The following SNTG2 variants were observed in gnomAD, a reference collection of about 807,000 sequenced individuals.
SNTG2 encodes the protein syntrophin gamma 2.
SNTG2 carries 74 observed loss-of-function variants against 70.9 expected under a neutral mutation model. The ratio of observed to expected loss-of-function variants is 1.04; its 90% CI spans 0.86 to 1.27. The LOEUF is 1.27. Ranked by LOEUF, SNTG2 falls within the 50% of genes most tolerant of loss-of-function variation. SNTG2 has a pLI of 0.00. For synonymous variants in SNTG2, 278 were observed against 273.8 expected (o/e 1.02, Z -0.15); for missense variants, 717 against 690.7 (o/e 1.04, Z -0.43).
chr2:1,132,073 A>G (rs533886509), intron 4 of SNTG2, among the ~76,000 whole-genome samples: 2 of 152,330 alleles, frequency 1.3e-5, no homozygotes, highest in African/African-American at 2.4e-5. Flanking sequence ...GGATTTTAAT[A>G]TAGTCTCTGC....
chr2:1,273,128 A>G (rs1474461776), intron 14 of SNTG2, among the ~76,000 whole-genome samples: 1 of 152,076 alleles, frequency 6.6e-6, no homozygotes, highest in Non-Finnish European at 1.5e-5. Context: ...GCCTCGGGGA[A>G]CGGGACCTCA....
chr2:1,312,863 A>G (rs1273049073), intron 15 of SNTG2, among the ~76,000 whole-genome samples: 1 of 152,220 alleles, frequency 6.6e-6, no homozygotes, highest in South Asian at 2.1e-4. Context: ...AGTTTTTAAA[A>G]GCTGAAAAGG....
At chr2:1,191,951 T>C (rs1422851778) in intron 8 of SNTG2, among the ~76,000 whole-genome samples, 1 of 152,102 alleles carries the variant, frequency 6.6e-6, no homozygotes, top group Non-Finnish European at 1.5e-5. Context: ...ATGTAGCTGA[T>C]AGAAAAGTTG....
rs1269372437 is a variant in SNTG2 at position 1,083,181 on chromosome 2, A to AT, written c.73-337_73-336insT. The stretch of plus-strand genomic sequence containing the variant: ...TTCAAATAACTTTAGTTAAACTAAA[A>AT]AAATATATATATATATATTTGGAAG... On this transcript the variant is annotated intron_variant, in intron 1 of 16. Coordinates refer to ENST00000308624, the MANE Select transcript of SNTG2 (RefSeq NM_018968.4). Among the ~76,000 whole-genome samples the AT allele has an allele frequency of 7.0e-3, 440 of 63,162 alleles. 1 individual carries two copies. Among genetic ancestry groups the AT allele is most frequent in the African/African-American group, 0.015 (361 of 23,404 alleles). 41.4% of individuals were successfully genotyped at this position (63,162 alleles called of 152,430 possible). A position where few individuals can be genotyped will look rare whatever the true frequency, so the allele number is the denominator to read the frequency against.
At chr2:994,476 A>G (rs1047950180) in intron 1 of SNTG2, among the ~76,000 whole-genome samples, 4 of 152,006 alleles carry the variant, frequency 2.6e-5, no homozygotes, top group Admixed American at 6.6e-5. Flanking sequence ...TGAACCTCCA[A>G]CTTTGTTCTT....
intron 1 of SNTG2, among the ~76,000 whole-genome samples, chr2:966,091 A>C (rs1297359429): frequency 2.0e-5 from 3 of 152,200 alleles, no homozygotes; most frequent in Admixed American, 2.0e-4. Context: ...AACCTGCTTC[A>C]CAGCGAGTCC....
intron 8 of SNTG2, among the ~76,000 whole-genome samples, chr2:1,193,188 A>C (rs1484519715): frequency 6.6e-6 from 1 of 152,184 alleles, no homozygotes; most frequent in Non-Finnish European, 1.5e-5. Flanking sequence ...GTTCTGTTTC[A>C]AAGTTGCTCC....
At chr2:1,028,369 T>C (rs1431836047) in intron 1 of SNTG2, among the ~76,000 whole-genome samples, 1 of 152,230 alleles carries the variant, frequency 6.6e-6, no homozygotes, top group Non-Finnish European at 1.5e-5. Flanking sequence ...ATCCTACGCT[T>C]ACTGAACCTT....
At chr2:1,258,533 G>A (rs1678244048) in intron 12 of SNTG2, among the ~76,000 whole-genome samples, 1 of 142,060 alleles carries the variant, frequency 7.0e-6, no homozygotes, top group Admixed American at 6.8e-5. Flanking sequence ...AATTTTGTTT[G>A]CTGCAAGGAT....
chr2:1,268,789 G>A (rs953521742), intron 14 of SNTG2, among the ~76,000 whole-genome samples: 6 of 152,234 alleles, frequency 3.9e-5, no homozygotes, highest in Non-Finnish European at 5.9e-5. Flanking sequence ...AAGTGAAAGA[G>A]CGTTTCTGGG....
chr2:1,054,001 G>T (rs563355781), intron 1 of SNTG2, among the ~76,000 whole-genome samples: 48 of 150,800 alleles, frequency 3.2e-4, no homozygotes, highest in African/African-American at 1.1e-3. Context: ...CCTGTGAGGT[G>T]CAGGATTACA....
At chr2:1,105,594 G>A (rs905711179) in intron 4 of SNTG2, among the ~76,000 whole-genome samples, 3 of 152,102 alleles carry the variant, frequency 2.0e-5, no homozygotes, top group Non-Finnish European at 4.4e-5. Context: ...ATTTGACACC[G>A]TTCTATACAT....
chr2:1,221,146 C>G (rs774355858), intron 9 of SNTG2, among the ~76,000 whole-genome samples: 1 of 152,248 alleles, frequency 6.6e-6, no homozygotes, highest in Non-Finnish European at 1.5e-5. Context: ...GGCTCCGTTA[C>G]GCTTTCTCTG....
intron 1 of SNTG2, among the ~76,000 whole-genome samples, chr2:1,042,192 A>T (rs1661478127): frequency 6.6e-6 from 1 of 152,140 alleles, no homozygotes; most frequent in Non-Finnish European, 1.5e-5. Context: ...TCCTCTTGGG[A>T]CTTTACATTT....
intron 6 of SNTG2, among the ~76,000 whole-genome samples, chr2:1,138,779 A>G (rs1487945075): frequency 2.0e-5 from 3 of 152,102 alleles, no homozygotes; most frequent in Non-Finnish European, 2.9e-5. Context: ...ATAGGCATGC[A>G]CTCATTTCTT....
At position 1,247,415 on chromosome 2, in the gene SNTG2, C is replaced by G; in HGVS notation, c.977C>G (p.Pro326Arg). 2 of 1,613,468 alleles carry G rather than the reference C, an allele frequency of 1.2e-6. No homozygotes were observed. The highest frequency in any genetic ancestry group is 2.2e-5 in the East Asian group (1 of 44,868). ...CCCAAGTTCCTAGCACTGAAGGGCC[C>G]GTCCTTCTACGTTTTCAGCACTCCT... ...FRPKFLALKGPSFYVFSTPPV... is the reference protein window; with the variant it reads ...FRPKFLALKGRSFYVFSTPPV... The change falls in exon 12 of 17, where the codon CCG becomes CGG. Residue 326 changes from proline (P) to arginine (R), a missense_variant. Coordinates refer to ENST00000308624, the MANE Select transcript of SNTG2 (RefSeq NM_018968.4).
At chr2:1,217,897 G>A (rs1674504748) in intron 9 of SNTG2, among the ~76,000 whole-genome samples, 1 of 152,000 alleles carries the variant, frequency 6.6e-6, no homozygotes, top group African/African-American at 2.4e-5. Context: ...TTATCTCACA[G>A]TCCTCATGGG....
intron 1 of SNTG2, among the ~76,000 whole-genome samples, chr2:981,658 C>A (rs1661101092): frequency 6.6e-6 from 1 of 152,174 alleles, no homozygotes; most frequent in South Asian, 2.1e-4. Context: ...CATACATGCA[C>A]ATGAACACAG....
chr2:1,137,500 A>T (rs1668469203), intron 4 of SNTG2, 122 bp from the exon 5 acceptor site: 1 of 937,642 alleles, frequency 1.1e-6, no homozygotes, highest in Non-Finnish European at 1.6e-6. Flanking sequence ...ACGTGGACAC[A>T]TGCACACACA....
Sources: allele counts gnomAD v4.1 joint callset (sites outside exome capture counted in the v4.1 genomes callset), GRCh38; gene constraint gnomAD v4.1.1; transcripts MANE v1.5; gene names NCBI Gene and HGNC (gene_info 2026-07-23, HGNC 2026-07-21).